PRIMA1: variants seen among roughly 807,000 people sequenced by gnomAD.
PRIMA1 encodes the protein proline-rich membrane anchor 1.
A neutral mutation model predicts 17.5 loss-of-function variants in PRIMA1; 7 were observed. The ratio of observed to expected loss-of-function variants is 0.40; its 90% CI spans 0.23 to 0.75. PRIMA1 has a LOEUF of 0.75. Among genes scored for constraint, PRIMA1 ranks in the 30% least tolerant of loss-of-function variants. The pLI is 0.37. For missense variants in PRIMA1, 200 were observed against 201.8 expected, an observed-to-expected ratio of 0.99 and a Z score of 0.05; for synonymous variants, 97 against 77.9, an observed-to-expected ratio of 1.25 and a Z score of -1.29.
At chr14:93,724,757 C>T (rs924983125) in intron 4 of PRIMA1, among the ~76,000 whole-genome samples, 1 of 152,204 alleles carries the variant, frequency 6.6e-6, no homozygotes, top group African/African-American at 2.4e-5. Context: ...GCCCACACTG[C>T]ATTCTCCTTA....
intron 3 of PRIMA1, among the ~76,000 whole-genome samples, chr14:93,745,504 GC>G (rs1299485927): frequency 2.6e-5 from 4 of 152,332 alleles, no homozygotes; most frequent in East Asian, 3.9e-4. Context: ...AGCCTGGTGG[GC>G]CCCCTGTGCT....
chr14:93,724,880 G>A (rs555199106), intron 4 of PRIMA1, among the ~76,000 whole-genome samples: 3 of 152,150 alleles, frequency 2.0e-5, no homozygotes, highest in Non-Finnish European at 2.9e-5. Flanking sequence ...AAATGAAGGC[G>A]GCATGGAGCT....
chr14:93,783,389 G>A (rs8005630), intron 2 of PRIMA1, among the ~76,000 whole-genome samples: 63,286 of 152,062 alleles, frequency 0.42, 13,449 homozygotes, highest in Middle Eastern at 0.52. Flanking sequence ...CCACCAGTGG[G>A]GAAACACAGG....
chr14:93,735,048 C>T (rs1056264068), intron 4 of PRIMA1, among the ~76,000 whole-genome samples: 6 of 152,152 alleles, frequency 3.9e-5, no homozygotes, highest in African/African-American at 1.4e-4. Context: ...GCAGGTAGCA[C>T]ATTTCTTCAG....
At chr14:93,760,070 T>C (rs549795603) in intron 3 of PRIMA1, among the ~76,000 whole-genome samples, 1 of 152,314 alleles carries the variant, frequency 6.6e-6, no homozygotes, top group African/African-American at 2.4e-5. Flanking sequence ...CCTGACCATA[T>C]TTAGACAGGA....
At chr14:93,746,994 G>A (rs1758549727) in intron 3 of PRIMA1, among the ~76,000 whole-genome samples, 1 of 152,216 alleles carries the variant, frequency 6.6e-6, no homozygotes, top group African/African-American at 2.4e-5. Flanking sequence ...GGGAGACAGT[G>A]AGAAAGCAGC....
chr14:93,759,066 T>G (rs1412214129), intron 3 of PRIMA1, among the ~76,000 whole-genome samples: 1 of 152,212 alleles, frequency 6.6e-6, no homozygotes, highest in Non-Finnish European at 1.5e-5. Context: ...AACAGACAGC[T>G]GTCGCTTTCC....
intron 3 of PRIMA1, among the ~76,000 whole-genome samples, chr14:93,752,698 C>T (rs1346115673): frequency 6.6e-6 from 1 of 152,182 alleles, no homozygotes; most frequent in East Asian, 1.9e-4. Context: ...GCAGGTTTGG[C>T]AGCCAGCTCC....
At chr14:93,735,031 G>A (rs2076140799) in intron 4 of PRIMA1, among the ~76,000 whole-genome samples, 1 of 152,110 alleles carries the variant, frequency 6.6e-6, no homozygotes, top group Admixed American at 6.6e-5. Flanking sequence ...TCCCTCCTCC[G>A]GTAGAAGCAG....
intron 3 of PRIMA1, among the ~76,000 whole-genome samples, chr14:93,758,398 C>A (rs1038777346): frequency 2.0e-5 from 3 of 152,100 alleles, no homozygotes; most frequent in Middle Eastern, 3.4e-3. Context: ...CCAGCCTGGA[C>A]AACATGGCAA....
chr14:93,723,855 CTG>C (rs1328911359), intron 4 of PRIMA1, among the ~76,000 whole-genome samples: 2 of 152,174 alleles, frequency 1.3e-5, no homozygotes, highest in Non-Finnish European at 2.9e-5. Flanking sequence ...CCCACTAACA[CTG>C]TGTCTTGGCC....
At chr14:93,785,488 G>A (rs929564464) in intron 2 of PRIMA1, among the ~76,000 whole-genome samples, 4 of 152,162 alleles carry the variant, frequency 2.6e-5, no homozygotes, top group Non-Finnish European at 4.4e-5. Context: ...TGTTGGCCTT[G>A]TCCTTCCAAA....
intron 4 of PRIMA1, among the ~76,000 whole-genome samples, chr14:93,735,565 G>A (rs1161962759): frequency 1.3e-5 from 2 of 152,206 alleles, no homozygotes; most frequent in Non-Finnish European, 2.9e-5. Context: ...TGTAGGCACA[G>A]CCTCTGTCTT....
chr14:93,743,670 G>A (rs555031793), intron 3 of PRIMA1, among the ~76,000 whole-genome samples: 1 of 152,352 alleles, frequency 6.6e-6, no homozygotes, highest in African/African-American at 2.4e-5. Context: ...CACCTGGGCT[G>A]GGAGTTGTTT....
At chr14:93,769,654 A>G (rs1020853431) in intron 3 of PRIMA1, among the ~76,000 whole-genome samples, 3 of 152,120 alleles carry the variant, frequency 2.0e-5, no homozygotes, top group Admixed American at 6.5e-5. Context: ...GGTCACGGGG[A>G]CTGGCTTCAC....
intron 2 of PRIMA1, among the ~76,000 whole-genome samples, chr14:93,782,651 C>T (rs1207531392): frequency 6.6e-6 from 1 of 152,180 alleles, no homozygotes; most frequent in Non-Finnish European, 1.5e-5. Flanking sequence ...ATCAATGGTT[C>T]TCAGTCTCTT....
rs995415936 is a variant in PRIMA1, at chr14:93,767,715, G to A, written c.229+11461C>T. Among the ~76,000 whole-genome samples, 6 of 152,216 alleles carry A rather than the reference G, an allele frequency of 3.9e-5. No individual in the cohort carries two copies. The South Asian group carries it at 8.3e-4, about 21-fold the overall frequency. On this transcript the variant is annotated intron_variant, in intron 3 of 4. Transcript: ENST00000393140. ...CTGCCATTATGGGGCCACACCCTCC[G>A]AGCACCTGCCTCATGCTAGGTGGCA... is the stretch of plus-strand genomic sequence containing the variant.
chr14:93,762,595 T>C lies in PRIMA1; in HGVS notation c.229+16581A>G, dbSNP rs1344158610. Among the ~76,000 whole-genome samples the C allele has an allele frequency of 3.3e-5, 5 of 152,184 alleles. No individual in the cohort carries two copies. The East Asian group carries it at 9.7e-4, about 29-fold the overall frequency. On this transcript the variant is annotated intron_variant, in intron 3 of 4. Coordinates refer to ENST00000393140, the MANE Select transcript of PRIMA1 (RefSeq NM_178013.4). ...TGGTGCCACCTGGTCCCGGTGGCTG[T>C]CACCTGTCCCCCAAGTCACTGTGGC...
intron 2 of PRIMA1, among the ~76,000 whole-genome samples, chr14:93,782,181 T>C (rs961768978): frequency 1.3e-4 from 20 of 150,746 alleles, no homozygotes; most frequent in African/African-American, 4.7e-4. Context: ...GGCAGGAGAA[T>C]GGCGTGAACA....
Sources: gnomAD v4.1 joint callset for allele counts (sites outside exome capture counted in the v4.1 genomes callset) on GRCh38, gnomAD v4.1.1 for gene constraint, MANE v1.5 for transcripts, NCBI Gene and HGNC (gene_info 2026-07-23, HGNC 2026-07-21) for gene names.